Variants in TNK2 observed in about 807,000 individuals in gnomAD.
TNK2 encodes the protein tyrosine kinase non receptor 2.
TNK2 carries 83 observed loss-of-function variants against 101.8 expected under a neutral mutation model. The observed-to-expected ratio is 0.82, with a 90% CI of 0.68 to 0.98. The LOEUF is 0.98. Among genes scored for constraint, TNK2 ranks in the 50% least tolerant of loss-of-function variants. The pLI, the probability that TNK2 is intolerant of heterozygous loss-of-function variation, is 0.00. For missense variants in TNK2, 1,665 were observed against 1,483.2 expected (o/e 1.12, Z -2.01); for synonymous variants, 804 against 633.0 (o/e 1.27, Z -4.06).
intron 1 of TNK2, chr3:195,895,406 G>C: frequency 6.5e-7 from 1 of 1,529,650 alleles, no homozygotes; most frequent in Non-Finnish European, 8.8e-7. Context: ...GGGGGGCCGG[G>C]CCTCGAGCAT....
At chr3:195,883,128 G>GGCCCCC in intron 5 of TNK2, 29 bp downstream of exon 5, 3 of 1,591,856 alleles carry the variant, frequency 1.9e-6, no homozygotes, top group Non-Finnish European at 1.7e-6. Context: ...CCCTCTCCCT[G>GGCCCCC]CCCGCCCCCT....
In TNK2 at chr3:195,866,913, C is replaced by A. The variant is rs866954304; in HGVS notation, c.3137G>T (p.Gly1046Val). Residue 1046 changes from glycine (G) to valine (V), a missense_variant, in exon 15 of 16, where the codon GGC (glycine) becomes GTC (valine). By Grantham distance (109) the Gly-to-Val change is moderately radical. Transcript: ENST00000672887. ...CTTGTGGTGGGCAGGGCCCCAGGAG[C>A]CCAGAAGGTGGCAGCCGGCCTGCTC... Reference protein sequence around the residue: ...NLEQAGCHLLGSWGPAHHKR With the variant: ...NLEQAGCHLLVSWGPAHHKR The A allele has an allele frequency of 6.2e-7, 1 of 1,611,590 alleles. No homozygotes were observed. Among genetic ancestry groups the A allele is most frequent in the Non-Finnish European group, 8.5e-7 (1 of 1,179,326 alleles).
chr3:195,867,146 G>C lies in TNK2; in HGVS notation c.3033+23C>G, dbSNP rs370410849. On this transcript the variant is annotated intron_variant, in intron 14 of 15. Transcript: ENST00000672887. ...CAGGCTTCAGGGTCCCTGAGAGCCAGAGTGAGCAGGAGGTGGCGGTACCTT... is the reference window on the plus strand; with the variant it reads ...CAGGCTTCAGGGTCCCTGAGAGCCACAGTGAGCAGGAGGTGGCGGTACCTT... 1.9e-6 allele frequency: 3 copies of C among 1,611,718 alleles called. No homozygotes were observed. The African/African-American group carries it at 4.0e-5, about 22-fold the overall frequency.
chr3:195,900,142 TAAGG>T (rs1761052769), intron 1 of TNK2, among the ~76,000 whole-genome samples: 1 of 151,554 alleles, frequency 6.6e-6, no homozygotes, highest in Non-Finnish European at 1.5e-5. Flanking sequence ...ACATTGGTCT[TAAGG>T]AAGGTGCCTT....
At chr3:195,899,521 G>A (rs1185056583) in intron 1 of TNK2, among the ~76,000 whole-genome samples, 3 of 152,090 alleles carry the variant, frequency 2.0e-5, no homozygotes, top group African/African-American at 7.2e-5. Context: ...GAGTTGAGAC[G>A]GGGTTTCACC....
chr3:195,880,360 T>A (rs1166301406), intron 6 of TNK2, among the ~76,000 whole-genome samples: 1 of 151,908 alleles, frequency 6.6e-6, no homozygotes, highest in Admixed American at 6.6e-5. Context: ...TTTGAATACC[T>A]CCCCACAGAA....
chr3:195,885,856 G>A lies in TNK2; in HGVS notation c.235-823C>T, dbSNP rs1300661667. The A allele has an allele frequency of 9.3e-6, 3 of 323,012 alleles. No homozygotes were observed. The highest frequency in any genetic ancestry group is 8.4e-5 in the East Asian group (1 of 11,972). 20.0% of individuals were successfully genotyped at this position (323,012 alleles called of 1,614,324 possible). A position where few individuals can be genotyped will look rare whatever the true frequency, so the allele number is the denominator to read the frequency against. ...AGATTGCAGATTCTTGCCAGCTTGGGTCTCACGCCCCCAGAGCTGGTGGAT... is the reference window on the plus strand; with the variant it reads ...AGATTGCAGATTCTTGCCAGCTTGGATCTCACGCCCCCAGAGCTGGTGGAT... On this transcript the variant is annotated intron_variant, in intron 3 of 15. Transcript: ENST00000672887. The surrounding 1 kb of genome is among the most constrained non-coding windows in gnomAD (Gnocchi z 4.7).
At chr3:195,872,562 G>A in intron 9 of TNK2, 92 bp from the exon 10 acceptor site, 1 of 1,342,322 alleles carries the variant, frequency 7.4e-7, no homozygotes, top group Non-Finnish European at 1.0e-6. Flanking sequence ...TGTGGCAGAA[G>A]GGGGATGGAG....
At chr3:195,891,050 A>G (rs1758234305) in intron 1 of TNK2, among the ~76,000 whole-genome samples, 1 of 152,128 alleles carries the variant, frequency 6.6e-6, no homozygotes, top group Non-Finnish European at 1.5e-5. Flanking sequence ...TGCTTGTTTC[A>G]CTGTACACAG....
rs138351820 is a variant in TNK2 at position 195,906,368 on chromosome 3, A to C, written c.-19+2117T>G. On this transcript the variant is annotated intron_variant, in intron 1 of 15. Transcript: ENST00000672887. Reference sequence around the variant, plus strand: ...AGTGTACATCCACACAAAGACTAACAAACACGTTCACAGCAGCTTTCTCTG... The same window carrying C: ...AGTGTACATCCACACAAAGACTAACCAACACGTTCACAGCAGCTTTCTCTG... Among the ~76,000 whole-genome samples the C allele has an allele frequency of 2.6e-5, 4 of 152,366 alleles. No homozygotes were observed. The East Asian group carries it at 7.7e-4, about 29-fold the overall frequency.
intron 11 of TNK2, 46 bp from the exon 12 acceptor site, chr3:195,869,587 C>G: frequency 6.5e-7 from 1 of 1,544,814 alleles, no homozygotes; most frequent in East Asian, 2.4e-5. Flanking sequence ...CGGAGCAGGA[C>G]AGAGGACAAA....
chr3:195,886,937 G>A lies in TNK2; in HGVS notation c.234+40C>T. On this transcript the variant is annotated intron_variant, in intron 3 of 15. Coordinates refer to ENST00000672887, the MANE Select transcript of TNK2 (RefSeq NM_001382273.1). This position sits in a 1 kb window ranked among gnomAD's most constrained non-coding sequence, Gnocchi z 4.2. ...CCAGAAGCGGAGGGGGGCGTTCGAG[G>A]CTGCCCCCCTCCCACCTCCTCACCC... 2 of 1,596,478 alleles carry A rather than the reference G, an allele frequency of 1.3e-6. No individual in the cohort carries two copies. The highest frequency in any genetic ancestry group is 1.7e-6 in the Non-Finnish European group (2 of 1,164,054).
intron 1 of TNK2, among the ~76,000 whole-genome samples, chr3:195,893,031 G>A (rs1364484910): frequency 6.6e-6 from 1 of 151,934 alleles, no homozygotes; most frequent in Non-Finnish European, 1.5e-5. Flanking sequence ...TGGGACTTTA[G>A]GGTGGCGGCT....
rs529736035 is a variant in TNK2, at chr3:195,888,707, G to A, written c.-18-101C>T. On this transcript the variant is annotated intron_variant, in intron 1 of 15. Transcript: ENST00000672887. This position sits in a 1 kb window ranked among gnomAD's most constrained non-coding sequence, Gnocchi z 5.3. ...CCTTCATCCCACTACACGGCCACCC[G>A]GAAGGGCTCACACCACCTTCTGACT... 5.2e-5 allele frequency: 60 copies of A among 1,161,386 alleles called. No individual in the cohort carries two copies. In the East Asian group the frequency reaches 7.6e-4, roughly 15 times the overall value. 71.9% of individuals were successfully genotyped at this position (1,161,386 alleles called of 1,614,324 possible). A position where few individuals can be genotyped will look rare whatever the true frequency, so the allele number is the denominator to read the frequency against.
At chr3:195,872,014 TG>T (rs1745776305) in intron 10 of TNK2, among the ~76,000 whole-genome samples, 1 of 111,972 alleles carries the variant, frequency 8.9e-6, no homozygotes, top group East Asian at 2.2e-4. Flanking sequence ...AACATTCCCC[TG>T]GAGAACCCTC....
rs1028864747 is a variant in TNK2 at position 195,888,294 on chromosome 3, T to C, written c.163+132A>G. On this transcript the variant is annotated intron_variant, in intron 2 of 15. Transcript: ENST00000672887. The surrounding 1 kb of genome is among the most constrained non-coding windows in gnomAD (Gnocchi z 5.3). Reference sequence around the variant, plus strand: ...ACTGTTCTCATCACACATCAGCACCTACTGATGTCCCTCCTGCTCCCTCAG... The same window carrying C: ...ACTGTTCTCATCACACATCAGCACCCACTGATGTCCCTCCTGCTCCCTCAG... 2.1e-6 allele frequency: 2 copies of C among 937,338 alleles called. No individual in the cohort carries two copies. The highest frequency in any genetic ancestry group is 3.3e-5 in the African/African-American group (2 of 60,152). 58.1% of individuals were successfully genotyped at this position (937,338 alleles called of 1,614,324 possible). A position where few individuals can be genotyped will look rare whatever the true frequency, so the allele number is the denominator to read the frequency against.
Position 195,887,762 on chromosome 3 carries a change from CACGTGTGTGCGT to C in TNK2, c.163+652_163+663del, listed in dbSNP as rs1453102194. Among the ~76,000 whole-genome samples the C allele has an allele frequency of 1.3e-4, 18 of 143,984 alleles. 1 individual carries two copies. Among genetic ancestry groups the C allele is most frequent in the Middle Eastern group, 3.5e-3 (1 of 284 alleles). 94.5% of individuals were successfully genotyped at this position (143,984 alleles called of 152,430 possible). A position where few individuals can be genotyped will look rare whatever the true frequency, so the allele number is the denominator to read the frequency against. ...GCGTGTGTGTGCACACGCGTGTGCG[CACGTGTGTGCGT>C]CTGCGCGCGTGTGTGTACATGTGTG... On this transcript the variant is annotated intron_variant, in intron 2 of 15. Transcript: ENST00000672887.
chr3:195,885,213 C>A lies in TNK2; in HGVS notation c.235-180G>T. The A allele has an allele frequency of 9.9e-7, 1 of 1,011,370 alleles. No individual in the cohort carries two copies. The highest frequency in any genetic ancestry group is 1.4e-6 in the Non-Finnish European group (1 of 709,408). The allele number at this position is 1,011,370 out of a possible 1,614,324, so 62.6% of individuals were successfully genotyped here. On this transcript the variant is annotated intron_variant, in intron 3 of 15. Transcript: ENST00000672887. This position sits in a 1 kb window ranked among gnomAD's most constrained non-coding sequence, Gnocchi z 4.7. ...CCACACTCCGTCCAGGGCACACCCC[C>A]AAACATGAACCCAAAGCCTGATGCT...
At position 195,888,699 on chromosome 3, in the gene TNK2, G is replaced by T; in HGVS notation, c.-18-93C>A. 1 of 1,259,294 alleles carries T rather than the reference G, an allele frequency of 7.9e-7. No individual in the cohort carries two copies. The highest frequency in any genetic ancestry group is 1.1e-6 in the Non-Finnish European group (1 of 928,868). The allele number at this position is 1,259,294 out of a possible 1,614,324, so 78.0% of individuals were successfully genotyped here. The stretch of plus-strand genomic sequence containing the variant: ...TGGGCTCACCTTCATCCCACTACAC[G>T]GCCACCCGGAAGGGCTCACACCACC... On this transcript the variant is annotated intron_variant, in intron 1 of 15. Coordinates refer to ENST00000672887, the MANE Select transcript of TNK2 (RefSeq NM_001382273.1). The surrounding 1 kb of genome is among the most constrained non-coding windows in gnomAD (Gnocchi z 5.3).
Sources: allele counts gnomAD v4.1 joint callset (sites outside exome capture counted in the v4.1 genomes callset), GRCh38; gene constraint gnomAD v4.1.1; non-coding constraint Gnocchi (gnomAD v3.1); transcripts MANE v1.5; gene names NCBI Gene and HGNC (gene_info 2026-07-23, HGNC 2026-07-21).